Variants in CLIC5 observed in about 807,000 individuals in gnomAD.
The protein encoded by CLIC5 is CLIC family member 5.
Under a neutral mutation model 24.7 loss-of-function variants are expected in CLIC5, and 20 were observed. The observed-to-expected ratio is 0.81, with a 90% confidence interval of 0.57 to 1.18. The LOEUF is 1.18. CLIC5 is among the 50% of genes most tolerant of loss of function. The probability of loss-of-function intolerance (pLI) is 0.00; values close to 1 mark genes in which losing one functional copy is unlikely to be tolerated. For missense variants in CLIC5, 341 were observed against 326.1 expected (o/e 1.05, Z -0.35); for synonymous variants, 159 against 135.6 (o/e 1.17, Z -1.20).
At position 45,931,819 on chromosome 6, in the gene CLIC5, C is replaced by T. The variant is rs58369512; in HGVS notation, c.406+9728G>A. Among the ~76,000 whole-genome samples, 394 of 152,202 alleles carry T rather than the reference C, an allele frequency of 2.6e-3. 2 individuals are homozygous for T. Among genetic ancestry groups the T allele is most frequent in the African/African-American group, 9.0e-3 (375 of 41,536 alleles). On this transcript the variant is annotated intron_variant, in intron 4 of 5. Transcript: ENST00000339561. ...AATTACAGGTGTGCGCCACCATGCT[C>T]GGCTAATTTTTTTGTAGTTTTAGTA... is the stretch of plus-strand genomic sequence containing the variant.
chr6:45,940,721 G>A (rs1020467495), intron 4 of CLIC5, among the ~76,000 whole-genome samples: 9 of 152,224 alleles, frequency 5.9e-5, no homozygotes, highest in East Asian at 3.8e-4. Flanking sequence ...CAAGGGAATG[G>A]CTGCCATTGC....
chr6:45,895,828 G>A (rs781445495), downstream of CLIC5, among the ~76,000 whole-genome samples: 3 of 152,128 alleles, frequency 2.0e-5, no homozygotes, highest in Non-Finnish European at 2.9e-5. Flanking sequence ...CTCCACAGAC[G>A]GAATAGTACT....
chr6:46,088,108 CTTATA>C, the CLIC5 span, among the ~76,000 whole-genome samples: 20,150 of 151,352 alleles, frequency 0.13, 1,828 homozygotes, highest in South Asian at 0.34. Flanking sequence ...GAAGTTTGGT[CTTATA>C]TTATAAAACC....
upstream of CLIC5, among the ~76,000 whole-genome samples, chr6:46,016,810 A>C (rs1224577667): frequency 6.6e-6 from 1 of 152,140 alleles, no homozygotes; most frequent in African/African-American, 2.4e-5. Flanking sequence ...TTGTAGCAGC[A>C]TAGGATCTTT....
intron 1 of CLIC5, among the ~76,000 whole-genome samples, chr6:45,966,083 G>A (rs1048569902): frequency 5.3e-5 from 8 of 152,114 alleles, no homozygotes; most frequent in African/African-American, 1.9e-4. Context: ...AGACTTTAGA[G>A]ACATCCCAAA....
chr6:46,117,573 G>A, the CLIC5 span, among the ~76,000 whole-genome samples: 1 of 152,166 alleles, frequency 6.6e-6, no homozygotes. Context: ...TGAATAAAAA[G>A]AATTCTTTTA....
chr6:46,030,781 T>C (rs1285701700), intron 1 of CLIC5, among the ~76,000 whole-genome samples: 1 of 152,342 alleles, frequency 6.6e-6, no homozygotes, highest in East Asian at 1.9e-4. Context: ...GTTGTCATCA[T>C]CCTTAAAACT....
At chr6:45,977,952 C>A (rs1765439688) in intron 1 of CLIC5, among the ~76,000 whole-genome samples, 1 of 152,142 alleles carries the variant, frequency 6.6e-6, no homozygotes, top group African/African-American at 2.4e-5. Flanking sequence ...TAGCTTGCTG[C>A]AGTGGTGGGG....
At chr6:45,957,429 C>G (rs1030869624) in intron 1 of CLIC5, among the ~76,000 whole-genome samples, 42 of 152,020 alleles carry the variant, frequency 2.8e-4, no homozygotes, top group Non-Finnish European at 1.2e-4. Flanking sequence ...GTGGTGAAAC[C>G]AGGACGAACG....
chr6:45,970,909 G>A (rs1765179488), intron 1 of CLIC5, among the ~76,000 whole-genome samples: 1 of 152,146 alleles, frequency 6.6e-6, no homozygotes, highest in South Asian at 2.1e-4. Flanking sequence ...TGTTCATTGG[G>A]CACAAAGGAG....
At position 46,008,067 on chromosome 6, in the gene CLIC5, C is replaced by T. The variant is rs138866458; in HGVS notation, c.63+7413G>A. The stretch of plus-strand genomic sequence containing the variant: ...TGATTTTCCCACTAAAGCACGAAGT[C>T]CAGCTATCAATCTTTCTAAACATAA... On this transcript the variant is annotated intron_variant, in intron 1 of 5. Coordinates refer to ENST00000339561, the MANE Select transcript of CLIC5 (RefSeq NM_016929.5). 2.2e-4 allele frequency among the ~76,000 whole-genome samples: 33 copies of T among 152,130 alleles called. 1 individual carries two copies. The East Asian group carries it at 4.2e-3, about 20-fold the overall frequency.
intron 5 of CLIC5, among the ~76,000 whole-genome samples, chr6:45,909,992 T>C (rs576987569): frequency 6.6e-6 from 1 of 152,214 alleles, no homozygotes; most frequent in African/African-American, 2.4e-5. Flanking sequence ...GATGACTTGA[T>C]GGATGAAAAA....
intron 1 of CLIC5, among the ~76,000 whole-genome samples, chr6:46,051,826 C>A (rs1768110781): frequency 6.6e-6 from 1 of 152,094 alleles, no homozygotes; most frequent in Non-Finnish European, 1.5e-5. Context: ...GAAATTGGGG[C>A]TCAAATAATT....
At chr6:46,074,023 A>G (rs1372261047) in intron 1 of CLIC5, among the ~76,000 whole-genome samples, 1 of 152,232 alleles carries the variant, frequency 6.6e-6, no homozygotes, top group Non-Finnish European at 1.5e-5. Context: ...CTCTTGGCCA[A>G]GGAAAGAGGT....
At chr6:45,916,046 G>C (rs372134266) in intron 4 of CLIC5, among the ~76,000 whole-genome samples, 1 of 152,208 alleles carries the variant, frequency 6.6e-6, no homozygotes, top group African/African-American at 2.4e-5. Flanking sequence ...ATTTTCCCAA[G>C]TGTGCCTTGT....
intron 3 of CLIC5, 63 bp downstream of exon 3, chr6:45,949,193 G>A (rs1269802840): frequency 6.4e-6 from 10 of 1,560,014 alleles, no homozygotes; most frequent in Non-Finnish European, 7.8e-6. Context: ...TTAACACCAG[G>A]ACTTTATAGA....
intron 4 of CLIC5, among the ~76,000 whole-genome samples, chr6:45,919,246 T>A (rs911055351): frequency 6.6e-6 from 1 of 152,132 alleles, no homozygotes; most frequent in Non-Finnish European, 1.5e-5. Flanking sequence ...GCACTGGGAA[T>A]TGGGGACTAG....
intron 4 of CLIC5, among the ~76,000 whole-genome samples, chr6:45,915,016 G>A (rs1009208869): frequency 3.3e-5 from 5 of 151,634 alleles, no homozygotes; most frequent in Admixed American, 2.0e-4. Flanking sequence ...TGCAACCTCC[G>A]ACTCCCTGGT....
chr6:45,936,039 G>A (rs1289633498), intron 4 of CLIC5, among the ~76,000 whole-genome samples: 1 of 151,502 alleles, frequency 6.6e-6, no homozygotes. Context: ...CTTCCTCCTT[G>A]ACTCCTCTCC....
Sources: allele counts gnomAD v4.1 joint callset (sites outside exome capture counted in the v4.1 genomes callset), GRCh38; gene constraint gnomAD v4.1.1; transcripts MANE v1.5; gene names NCBI Gene and HGNC (gene_info 2026-07-23, HGNC 2026-07-21).